RNGTT: variants seen among roughly 807,000 people sequenced by gnomAD.
The protein encoded by RNGTT is mRNA-capping enzyme.
In RNGTT, 33 loss-of-function variants were observed where a neutral mutation model predicts 79.3. That is an observed-to-expected ratio of 0.42 (90% CI 0.32 to 0.56). The LOEUF is 0.56. Ranked by LOEUF, RNGTT falls within the 20% of genes least tolerant of loss-of-function variation. The pLI is 0.17. For synonymous variants in RNGTT, 222 were observed against 235.9 expected, an observed-to-expected ratio of 0.94 and a Z score of 0.54; for missense variants, 497 against 739.1, an observed-to-expected ratio of 0.67 and a Z score of 3.80.
chr6:88,671,897 T>C (rs1336218009), intron 14 of RNGTT, among the ~76,000 whole-genome samples: 2 of 152,058 alleles, frequency 1.3e-5, no homozygotes, highest in Non-Finnish European at 2.9e-5. Context: ...GCTGGGATAA[T>C]TGGCAAGCCA....
At chr6:88,678,295 G>A (rs769427411) in intron 14 of RNGTT, 58 bp downstream of exon 14, 47 of 1,571,244 alleles carry the variant, frequency 3.0e-5, no homozygotes, top group African/African-American at 5.4e-5. Flanking sequence ...GCAAGGTTTT[G>A]ATGGATTCTA....
intron 11 of RNGTT, among the ~76,000 whole-genome samples, chr6:88,827,322 T>C (rs942567297): frequency 1.3e-5 from 2 of 152,014 alleles, no homozygotes; most frequent in East Asian, 1.9e-4. Context: ...AGGGAAGCCA[T>C]GACGGACTGT....
At chr6:88,764,643 A>G (rs1468614566) in intron 13 of RNGTT, among the ~76,000 whole-genome samples, 1 of 152,186 alleles carries the variant, frequency 6.6e-6, no homozygotes, top group Non-Finnish European at 1.5e-5. Context: ...TATACATTCC[A>G]TCACTGAATA....
intron 12 of RNGTT, among the ~76,000 whole-genome samples, chr6:88,771,780 A>C (rs1402716704): frequency 6.6e-6 from 1 of 152,164 alleles, no homozygotes; most frequent in Admixed American, 6.6e-5. Flanking sequence ...TGTATTCCTA[A>C]TAATTTACTA....
In RNGTT at chr6:88,899,048, T is replaced by C. The variant is rs181228160; in HGVS notation, c.684+5667A>G. 7.2e-5 allele frequency among the ~76,000 whole-genome samples: 11 copies of C among 151,986 alleles called. No individual in the cohort carries two copies. The East Asian group carries it at 1.9e-3, about 27-fold the overall frequency. The stretch of plus-strand genomic sequence containing the variant: ...CTAAAGATTAATGTTCTTTCATCTT[T>C]AATATATTACTTATATGAGTAAAAT... On this transcript the variant is annotated intron_variant, in intron 6 of 15. Transcript: ENST00000369485.
chr6:88,957,379 C>T (rs1020663224), intron 1 of RNGTT, among the ~76,000 whole-genome samples: 1 of 152,112 alleles, frequency 6.6e-6, no homozygotes, highest in African/African-American at 2.4e-5. Flanking sequence ...AGCAATCAGG[C>T]AAGAGAAAGA....
intron 8 of RNGTT, among the ~76,000 whole-genome samples, chr6:88,854,346 C>A (rs1050558499): frequency 2.0e-4 from 31 of 152,150 alleles, no homozygotes; most frequent in African/African-American, 7.5e-4. Flanking sequence ...TGAATCCATC[C>A]TAACAGAGAA....
At chr6:88,795,807 A>C (rs9362561) in intron 12 of RNGTT, among the ~76,000 whole-genome samples, 19,380 of 152,266 alleles carry the variant, frequency 0.13, 1,418 homozygotes, top group Middle Eastern at 0.23. Context: ...GCAATACTGC[A>C]ATGCACTATG....
In RNGTT at chr6:88,611,804, G is replaced by C. The variant is rs1772037404; in HGVS notation, c.*915C>G. On this transcript the variant is annotated 3_prime_UTR_variant, in exon 16 of 16. Coordinates refer to ENST00000369485, the MANE Select transcript of RNGTT (RefSeq NM_003800.5). The stretch of plus-strand genomic sequence containing the variant: ...CCCTTTGCTGTTTTGTTCGAGAGAA[G>C]GAACACAACATCGTTTGTATTTGAT... 1 of 152,628 alleles carries C rather than the reference G, an allele frequency of 6.6e-6. No homozygotes were observed. Among genetic ancestry groups the C allele is most frequent in the Admixed American group, 6.5e-5 (1 of 15,270 alleles). 9.5% of individuals were successfully genotyped at this position (152,628 alleles called of 1,614,324 possible).
At chr6:88,697,252 T>C (rs1384296975) in intron 13 of RNGTT, among the ~76,000 whole-genome samples, 1 of 152,184 alleles carries the variant, frequency 6.6e-6, no homozygotes, top group Admixed American at 6.5e-5. Flanking sequence ...TTAGTAAACA[T>C]TAGATATGCA....
intron 8 of RNGTT, among the ~76,000 whole-genome samples, chr6:88,854,142 T>A (rs995937140): frequency 6.6e-6 from 1 of 152,004 alleles, no homozygotes; most frequent in African/African-American, 2.4e-5. Context: ...TTTCACTATG[T>A]TGGTCGCGAA....
intron 13 of RNGTT, among the ~76,000 whole-genome samples, chr6:88,689,379 A>T (rs1345780254): frequency 6.6e-6 from 1 of 152,206 alleles, no homozygotes; most frequent in Non-Finnish European, 1.5e-5. Context: ...AGATCACCTA[A>T]GGTCAGCGGT....
intron 12 of RNGTT, 124 bp from the exon 13 acceptor site, chr6:88,769,998 T>G: frequency 1.6e-6 from 1 of 627,636 alleles, no homozygotes; most frequent in Non-Finnish European, 2.7e-6. Context: ...AATTTTAATC[T>G]TCAACCAACA....
chr6:88,923,853 A>C (rs1231915977), intron 4 of RNGTT, among the ~76,000 whole-genome samples: 1 of 152,234 alleles, frequency 6.6e-6, no homozygotes, highest in Admixed American at 6.5e-5. Flanking sequence ...CCAGTTCACA[A>C]TTAAAATAGT....
intron 13 of RNGTT, among the ~76,000 whole-genome samples, chr6:88,738,421 A>G (rs1777355823): frequency 6.6e-6 from 1 of 152,192 alleles, no homozygotes; most frequent in Non-Finnish European, 1.5e-5. Context: ...TGAATAAGCT[A>G]CAGACCTTAG....
At chr6:88,865,106 A>G (rs1249316147) in intron 8 of RNGTT, among the ~76,000 whole-genome samples, 1 of 152,146 alleles carries the variant, frequency 6.6e-6, no homozygotes, top group Non-Finnish European at 1.5e-5. Context: ...AATTTACCAC[A>G]ATTTTAAAAA....
At chr6:88,951,043 G>A (rs1785228883) in intron 1 of RNGTT, among the ~76,000 whole-genome samples, 2 of 152,028 alleles carry the variant, frequency 1.3e-5, no homozygotes, top group South Asian at 4.1e-4. Flanking sequence ...ACTTTTAGTA[G>A]AGATGCAGTT....
chr6:88,903,401 C>G (rs1192011669), intron 6 of RNGTT, among the ~76,000 whole-genome samples: 1 of 152,102 alleles, frequency 6.6e-6, no homozygotes, highest in East Asian at 1.9e-4. Context: ...CAAACAAAAC[C>G]TATATTTTAT....
intron 8 of RNGTT, among the ~76,000 whole-genome samples, chr6:88,873,500 A>T (rs188606057): frequency 4.6e-5 from 7 of 152,282 alleles, no homozygotes; most frequent in African/African-American, 1.7e-4. Flanking sequence ...AGAACCTGGT[A>T]CTTGGCACAT....
Sources: allele counts gnomAD v4.1 joint callset (sites outside exome capture counted in the v4.1 genomes callset), GRCh38; gene constraint gnomAD v4.1.1; transcripts MANE v1.5; gene names NCBI Gene and HGNC (gene_info 2026-07-23, HGNC 2026-07-21).